DCDC1: variants seen among roughly 807,000 people sequenced by gnomAD.
DCDC1 encodes doublecortin domain-containing protein 1.
DCDC1 carries 200 observed loss-of-function variants against 178.3 expected under a neutral mutation model. The observed-to-expected ratio is 1.12, with a 90% CI of 1.00 to 1.26. DCDC1 has a LOEUF of 1.26. DCDC1 is among the 50% of genes most tolerant of loss of function. The pLI, the probability that DCDC1 is intolerant of heterozygous loss-of-function variation, is 0.00. For missense variants in DCDC1, 1,983 were observed against 1,749.2 expected (o/e 1.13, Z -2.38); for synonymous variants, 690 against 604.8 (o/e 1.14, Z -2.07).
At chr11:31,329,960 T>C (rs561250592) in intron 2 of DCDC1, among the ~76,000 whole-genome samples, 4 of 152,352 alleles carry the variant, frequency 2.6e-5, no homozygotes, top group African/African-American at 7.2e-5. Flanking sequence ...TTCTAGATCC[T>C]TGAGGAGTCG....
intron 11 of DCDC1, among the ~76,000 whole-genome samples, chr11:31,116,149 G>A (rs1477334785): frequency 6.6e-6 from 1 of 151,962 alleles, no homozygotes; most frequent in African/African-American, 2.4e-5. Flanking sequence ...GAAAGACTGA[G>A]TGACTTCACC....
chr11:31,227,868 A>T (rs912734674), intron 9 of DCDC1, among the ~76,000 whole-genome samples: 39 of 152,184 alleles, frequency 2.6e-4, no homozygotes, highest in African/African-American at 8.7e-4. Flanking sequence ...ATTAAAATAA[A>T]ACAAAATGGA....
At chr11:31,034,542 A>C (rs1414297841) in intron 20 of DCDC1, among the ~76,000 whole-genome samples, 2 of 152,086 alleles carry the variant, frequency 1.3e-5, no homozygotes, top group Non-Finnish European at 2.9e-5. Flanking sequence ...TGCCTTTTCT[A>C]TGTTTGAGCA....
chr11:30,871,898 A>G (rs1941613101), intron 38 of DCDC1, among the ~76,000 whole-genome samples: 1 of 151,994 alleles, frequency 6.6e-6, no homozygotes, highest in South Asian at 2.1e-4. Context: ...ATATACACAT[A>G]TATATACACA....
chr11:31,290,200 C>G (rs1947123327), intron 7 of DCDC1, among the ~76,000 whole-genome samples: 1 of 151,912 alleles, frequency 6.6e-6, no homozygotes, highest in South Asian at 2.1e-4. Context: ...TTTGAAACTG[C>G]ATTTTAGTGA....
intron 15 of DCDC1, 63 bp downstream of exon 15, chr11:31,102,114 T>C (rs1958548642): frequency 5.4e-6 from 3 of 551,034 alleles, no homozygotes; most frequent in East Asian, 2.9e-5. Context: ...ATATTCATTA[T>C]ATATTGGTTG....
intron 20 of DCDC1, among the ~76,000 whole-genome samples, chr11:30,984,521 A>C (rs966874953): frequency 6.6e-6 from 1 of 152,224 alleles, no homozygotes; most frequent in African/African-American, 2.4e-5. Flanking sequence ...TCTCAGGGTG[A>C]GTCAGTTAGA....
At position 31,330,309 on chromosome 11, in the gene DCDC1, A is replaced by C. The variant is rs191884463; in HGVS notation, c.-6-2023T>G. ...ATTCTGGATATAAGCCCTTTGTCAG[A>C]TAGGTAGATGGCAAAAATTTTCTCC... On this transcript the variant is annotated intron_variant, in intron 2 of 38. Transcript: ENST00000684477. 2.0e-5 allele frequency among the ~76,000 whole-genome samples: 3 copies of C among 152,240 alleles called. No individual in the cohort carries two copies. The East Asian group carries it at 5.8e-4, about 29-fold the overall frequency.
chr11:31,037,997 T>C (rs1362114780), intron 20 of DCDC1, among the ~76,000 whole-genome samples: 1 of 149,180 alleles, frequency 6.7e-6, no homozygotes, highest in African/African-American at 2.5e-5. Flanking sequence ...TTTGGTTTTT[T>C]GTCCTTGCAA....
At chr11:31,353,047 T>C (rs748004307) in intron 1 of DCDC1, among the ~76,000 whole-genome samples, 3 of 152,298 alleles carry the variant, frequency 2.0e-5, no homozygotes, top group Middle Eastern at 3.4e-3. Context: ...ACAACACACA[T>C]TCATATGCAC....
chr11:31,006,509 C>T (rs1951853449), intron 20 of DCDC1, among the ~76,000 whole-genome samples: 1 of 152,198 alleles, frequency 6.6e-6, no homozygotes, highest in Non-Finnish European at 1.5e-5. Flanking sequence ...TAGAAGCAGA[C>T]TACCTTAAAC....
Position 31,356,873 on chromosome 11 carries a change from C to T in DCDC1, c.-125+12824G>A, listed in dbSNP as rs1025592942. Among the ~76,000 whole-genome samples, 311 of 152,108 alleles carry T rather than the reference C, an allele frequency of 2.0e-3. 4 individuals carry two copies. Among genetic ancestry groups the T allele is most frequent in the African/African-American group, 7.1e-3 (294 of 41,466 alleles). On this transcript the variant is annotated intron_variant, in intron 1 of 38. Transcript: ENST00000684477. The stretch of plus-strand genomic sequence containing the variant: ...AAATTCCTTGACACATACACTCTCC[C>T]AAGACTAAACCAGGAAGAAGTTGAA...
rs535338959 is a variant in DCDC1, at chr11:31,248,885, CTG to C, written c.1055-7271_1055-7270del. 1.6e-4 allele frequency among the ~76,000 whole-genome samples: 24 copies of C among 152,210 alleles called. No homozygotes were observed. The South Asian group carries it at 1.7e-3, about 11-fold the overall frequency. On this transcript the variant is annotated intron_variant, in intron 8 of 38. Transcript: ENST00000684477. ...TGCTGAGTTGTGTTCTTTTACATAA[CTG>C]TTAAATGCTGAGAGCTATGTAAGAC...
intron 10 of DCDC1, among the ~76,000 whole-genome samples, chr11:31,135,905 G>A (rs753745050): frequency 1.2e-4 from 18 of 151,990 alleles, no homozygotes; most frequent in Non-Finnish European, 1.9e-4. Context: ...TTAAAACTAC[G>A]TATTTGCTAT....
At chr11:31,367,161 T>C (rs995257211) in intron 1 of DCDC1, among the ~76,000 whole-genome samples, 2 of 151,946 alleles carry the variant, frequency 1.3e-5, no homozygotes, top group African/African-American at 4.8e-5. Context: ...TAGCCAGGCA[T>C]AGTGGCATGC....
chr11:30,953,686 A>T (rs912639635), intron 20 of DCDC1, among the ~76,000 whole-genome samples: 1 of 152,160 alleles, frequency 6.6e-6, no homozygotes, highest in African/African-American at 2.4e-5. Flanking sequence ...GTTCTTCAGA[A>T]AGTCAAATAT....
chr11:31,056,975 T>C (rs1251494269), intron 20 of DCDC1, among the ~76,000 whole-genome samples: 26 of 152,048 alleles, frequency 1.7e-4, no homozygotes, highest in Admixed American at 1.7e-3. Flanking sequence ...TGCATACCTA[T>C]AATTCCAGTA....
intron 2 of DCDC1, among the ~76,000 whole-genome samples, chr11:31,330,215 T>C (rs1201710959): frequency 6.7e-6 from 1 of 150,328 alleles, no homozygotes; most frequent in East Asian, 1.9e-4. Context: ...GAAATGTCTG[T>C]TCATATCCTA....
At chr11:30,960,621 G>A (rs1411853729) in intron 20 of DCDC1, among the ~76,000 whole-genome samples, 1 of 152,132 alleles carries the variant, frequency 6.6e-6, no homozygotes. Context: ...CTTGCAGGCA[G>A]CCTTTTCGTA....
Sources: gnomAD v4.1 joint callset for allele counts (sites outside exome capture counted in the v4.1 genomes callset) on GRCh38, gnomAD v4.1.1 for gene constraint, MANE v1.5 for transcripts, NCBI Gene and HGNC (gene_info 2026-07-23, HGNC 2026-07-21) for gene names.